CNTNAP2: variants seen among roughly 807,000 people sequenced by gnomAD.
The protein encoded by CNTNAP2 is contactin associated protein 2, also known as contactin-associated protein-like 2.
Under a neutral mutation model 155.2 loss-of-function variants are expected in CNTNAP2, and 98 were observed. The ratio of observed to expected loss-of-function variants is 0.63; its 90% CI spans 0.54 to 0.75. The LOEUF (loss-of-function observed/expected upper bound fraction) is 0.75, where lower values mean the gene tolerates loss of function less well. CNTNAP2 is among the 30% of genes least tolerant of loss of function. CNTNAP2 has a pLI of 0.00. For synonymous variants in CNTNAP2, 651 were observed against 631.2 expected (o/e 1.03, Z -0.47); for missense variants, 1,727 against 1,688.1 (o/e 1.02, Z -0.40).
chr7:146,331,545 C>T lies in CNTNAP2; in HGVS notation c.97+214572C>T, dbSNP rs372077378. ...TCATTGCTGTTTGGTATCTCATCCT[C>T]CAGGGGTCCTCCAGGTGGTCTGGGT... On this transcript the variant is annotated intron_variant, in intron 1 of 23. Coordinates refer to ENST00000361727, the MANE Select transcript of CNTNAP2 (RefSeq NM_014141.6). Among the ~76,000 whole-genome samples, 11 of 151,752 alleles carry T rather than the reference C, an allele frequency of 7.2e-5. No homozygotes were observed. The East Asian group carries it at 9.7e-4, about 13-fold the overall frequency.
At chr7:146,945,613 T>A (rs377131699) in intron 3 of CNTNAP2, among the ~76,000 whole-genome samples, 35 of 152,268 alleles carry the variant, frequency 2.3e-4, no homozygotes, top group African/African-American at 8.2e-4. Flanking sequence ...CTTAATCCAC[T>A]CATCCCTTCG....
At chr7:147,267,548 AG>A (rs991628474) in intron 8 of CNTNAP2, among the ~76,000 whole-genome samples, 2 of 96,604 alleles carry the variant, frequency 2.1e-5, no homozygotes, top group Non-Finnish European at 4.0e-5. Flanking sequence ...ATGCCAACCA[AG>A]GTTAACACAT....
At chr7:147,611,149 CAG>C (rs1248643526) in intron 12 of CNTNAP2, among the ~76,000 whole-genome samples, 1 of 152,004 alleles carries the variant, frequency 6.6e-6, no homozygotes, top group Non-Finnish European at 1.5e-5. Flanking sequence ...CCTTAAATAA[CAG>C]GGAGCGTTCT....
intron 7 of CNTNAP2, 98 bp downstream of exon 7, chr7:147,128,934 A>C (rs1328553695): frequency 1.4e-5 from 21 of 1,513,010 alleles, no homozygotes; most frequent in Non-Finnish European, 1.9e-5. Flanking sequence ...GACATTTTTC[A>C]TCATATTTGT....
intron 13 of CNTNAP2, among the ~76,000 whole-genome samples, chr7:147,815,024 GT>G (rs1197140346): frequency 6.6e-6 from 1 of 152,154 alleles, no homozygotes; most frequent in African/African-American, 2.4e-5. Context: ...AGCACCAGGG[GT>G]TGGAGGGAGA....
intron 8 of CNTNAP2, among the ~76,000 whole-genome samples, chr7:147,144,299 A>G (rs1801656653): frequency 6.6e-6 from 1 of 152,208 alleles, no homozygotes. Flanking sequence ...ACGTGTGGAC[A>G]CGGAGAAGTA....
intron 11 of CNTNAP2, among the ~76,000 whole-genome samples, 168 bp from the exon 12 acceptor site, chr7:147,561,970 G>A (rs1800072386): frequency 6.6e-6 from 1 of 152,134 alleles, no homozygotes; most frequent in South Asian, 2.1e-4. Flanking sequence ...AATGCTTATA[G>A]AGAAAGAAAC....
chr7:147,167,813 T>G (rs1802145025), intron 8 of CNTNAP2, among the ~76,000 whole-genome samples: 1 of 152,166 alleles, frequency 6.6e-6, no homozygotes, highest in South Asian at 2.1e-4. Flanking sequence ...TGATTCCTTC[T>G]TGAGTTTCAA....
At chr7:146,756,041 A>G (rs1370884608) in intron 1 of CNTNAP2, among the ~76,000 whole-genome samples, 1 of 142,162 alleles carries the variant, frequency 7.0e-6, no homozygotes, top group Non-Finnish European at 1.5e-5. Flanking sequence ...GTTAAATAAT[A>G]TGATATTCTA....
rs75108983 is a variant in CNTNAP2, at chr7:148,094,751, C to T, written c.2384-23367C>T. 1.1e-3 allele frequency among the ~76,000 whole-genome samples: 167 copies of T among 152,240 alleles called. 6 individuals are homozygous for T. The East Asian group carries it at 0.029, about 26-fold the overall frequency. On this transcript the variant is annotated intron_variant, in intron 15 of 23. Transcript: ENST00000361727. The stretch of plus-strand genomic sequence containing the variant: ...ACAAGAGAAGCCACTCTTGGCTGAG[C>T]GCAATGAGTTTGGTTTTAGACTTGC...
chr7:148,342,639 T>G (rs1432413673), intron 21 of CNTNAP2, among the ~76,000 whole-genome samples: 1 of 152,240 alleles, frequency 6.6e-6, no homozygotes, highest in African/African-American at 2.4e-5. Context: ...TTATTTCTTA[T>G]TCCTTTGAAA....
rs140218840 is a variant in CNTNAP2 at position 148,195,362 on chromosome 7, T to C, written c.3011-21926T>C. ...GTTTATTTTTCATGTGAGTTTTCCA[T>C]CTCTGAAAAAAATAGGAAAAGAAAA... On this transcript the variant is annotated intron_variant, in intron 18 of 23. Coordinates refer to ENST00000361727, the MANE Select transcript of CNTNAP2 (RefSeq NM_014141.6). Among the ~76,000 whole-genome samples the C allele has an allele frequency of 4.7e-3, 715 of 152,244 alleles. 7 individuals carry two copies. The highest frequency in any genetic ancestry group is 0.016 in the African/African-American group (679 of 41,538).
chr7:146,776,533 T>C (rs927569468), intron 2 of CNTNAP2, among the ~76,000 whole-genome samples: 2 of 152,174 alleles, frequency 1.3e-5, no homozygotes, highest in African/African-American at 2.4e-5. Flanking sequence ...GCTATAGTTG[T>C]AGGAGAGAGT....
At chr7:147,349,127 A>G (rs1324614591) in intron 9 of CNTNAP2, among the ~76,000 whole-genome samples, 1 of 151,962 alleles carries the variant, frequency 6.6e-6, no homozygotes, top group Non-Finnish European at 1.5e-5. Flanking sequence ...AGCTAAAAAG[A>G]GGATATTCAA....
At chr7:147,547,742 C>T (rs851819) in intron 11 of CNTNAP2, among the ~76,000 whole-genome samples, 66,543 of 151,626 alleles carry the variant, frequency 0.44, 14,890 homozygotes, top group East Asian at 0.62. Context: ...GACCTATCCT[C>T]TAAGTTCCCT....
intron 13 of CNTNAP2, among the ~76,000 whole-genome samples, chr7:147,769,780 A>G (rs1183223324): frequency 6.6e-6 from 1 of 152,148 alleles, no homozygotes; most frequent in Non-Finnish European, 1.5e-5. Flanking sequence ...CTATAAAACA[A>G]TAGACTAACA....
intron 15 of CNTNAP2, among the ~76,000 whole-genome samples, chr7:148,053,508 C>T (rs898868260): frequency 2.6e-5 from 4 of 152,126 alleles, no homozygotes; most frequent in African/African-American, 9.7e-5. Context: ...TCAGCTATGG[C>T]TGTGCCTATT....
intron 13 of CNTNAP2, among the ~76,000 whole-genome samples, chr7:147,702,421 T>C (rs1234544228): frequency 6.6e-6 from 1 of 152,134 alleles, no homozygotes; most frequent in African/African-American, 2.4e-5. Flanking sequence ...CAAACCTATT[T>C]CTGGACCAAA....
intron 13 of CNTNAP2, among the ~76,000 whole-genome samples, chr7:147,835,409 A>G (rs920623571): frequency 6.6e-6 from 1 of 152,170 alleles, no homozygotes; most frequent in African/African-American, 2.4e-5. Flanking sequence ...AGTGTCACAC[A>G]GCAGATAGTG....
Sources: allele counts gnomAD v4.1 joint callset (sites outside exome capture counted in the v4.1 genomes callset), GRCh38; gene constraint gnomAD v4.1.1; transcripts MANE v1.5; gene names NCBI Gene and HGNC (gene_info 2026-07-23, HGNC 2026-07-21).